The following FHIT variants were observed in gnomAD, a reference collection of about 807,000 sequenced individuals.
FHIT encodes bis(5'-adenosyl)-triphosphatase.
In FHIT, 19 loss-of-function variants were observed where a neutral mutation model predicts 17.9. That is an observed-to-expected ratio of 1.06 (90% confidence interval 0.74 to 1.56). The LOEUF (loss-of-function observed/expected upper bound fraction) is 1.56, where lower values mean the gene tolerates loss of function less well. Among genes scored for constraint, FHIT ranks in the 40% most tolerant of loss-of-function variants. The probability of loss-of-function intolerance (pLI) is 0.00; values close to 1 mark genes in which losing one functional copy is unlikely to be tolerated. For missense variants in FHIT, 248 were observed against 189.2 expected (o/e 1.31, Z -1.82); for synonymous variants, 81 against 69.7 (o/e 1.16, Z -0.81).
At chr3:60,256,353 T>G (rs1033993753) in intron 5 of FHIT, among the ~76,000 whole-genome samples, 1 of 152,136 alleles carries the variant, frequency 6.6e-6, no homozygotes, top group African/African-American at 2.4e-5. Context: ...CTCACTAAAT[T>G]TACCCATTTT....
chr3:61,247,153 T>C (rs1305954911), intron 1 of FHIT, among the ~76,000 whole-genome samples: 1 of 152,106 alleles, frequency 6.6e-6, no homozygotes, highest in African/African-American at 2.4e-5. Flanking sequence ...AGGAGCAAGA[T>C]AAATGTGCTG....
rs139139315 is a variant in FHIT at position 59,752,385 on chromosome 3, C to T, written c.349-64G>A. 1,482 of 1,332,614 alleles carry T rather than the reference C, an allele frequency of 1.1e-3. 9 individuals carry two copies. In the African/African-American group the frequency reaches 0.017, roughly 15 times the overall value. The allele number at this position is 1,332,614 out of a possible 1,614,324, so 82.5% of individuals were successfully genotyped here. ...CCTTGGGATCTCCTTGAACAAATTT[C>T]GGGGGGCTGGGGGAGACTGAACAAA... On this transcript the variant is annotated intron_variant, in intron 8 of 9. Transcript: ENST00000492590.
intron 8 of FHIT, among the ~76,000 whole-genome samples, chr3:59,754,315 A>AT (rs1189282371): frequency 6.6e-6 from 1 of 152,182 alleles, no homozygotes; most frequent in Non-Finnish European, 1.5e-5. Flanking sequence ...CAGCACGCTG[A>AT]TTTTACATTT....
intron 3 of FHIT, among the ~76,000 whole-genome samples, chr3:61,024,835 C>T (rs1255642571): frequency 6.6e-6 from 1 of 151,908 alleles, no homozygotes; most frequent in Non-Finnish European, 1.5e-5. Flanking sequence ...CCACTAGTTT[C>T]TCAGGAAACA....
intron 4 of FHIT, among the ~76,000 whole-genome samples, chr3:60,803,675 C>T (rs974176525): frequency 2.0e-5 from 3 of 152,232 alleles, no homozygotes; most frequent in Admixed American, 6.5e-5. Context: ...ACTTCAGTTC[C>T]CTTTAATCAT....
chr3:60,693,371 T>C (rs2041037875), intron 4 of FHIT, among the ~76,000 whole-genome samples: 1 of 152,162 alleles, frequency 6.6e-6, no homozygotes, highest in Non-Finnish European at 1.5e-5. Flanking sequence ...TAATTTCCCT[T>C]GGGGAAGGAG....
At chr3:60,582,799 T>A (rs2107682122) in intron 4 of FHIT, among the ~76,000 whole-genome samples, 1 of 152,232 alleles carries the variant, frequency 6.6e-6, no homozygotes, top group South Asian at 2.1e-4. Flanking sequence ...ATTATAGGTT[T>A]ACTGTGTGTC....
chr3:61,023,382 T>C (rs937806767), intron 3 of FHIT, among the ~76,000 whole-genome samples: 3 of 152,112 alleles, frequency 2.0e-5, no homozygotes, highest in Non-Finnish European at 4.4e-5. Flanking sequence ...TGCTCATGGA[T>C]AGGAAAAATC....
chr3:60,275,940 G>C (rs1242069200), intron 5 of FHIT, among the ~76,000 whole-genome samples: 2 of 151,806 alleles, frequency 1.3e-5, no homozygotes, highest in African/African-American at 2.4e-5. Context: ...TCTCCTTCAA[G>C]CTGACCAATA....
At chr3:60,896,630 G>A (rs1705836334) in intron 3 of FHIT, among the ~76,000 whole-genome samples, 1 of 152,194 alleles carries the variant, frequency 6.6e-6, no homozygotes, top group Admixed American at 6.5e-5. Flanking sequence ...TTTGATTGAA[G>A]GCCATGCCCA....
chr3:60,919,950 C>T (rs1707194234), intron 3 of FHIT, among the ~76,000 whole-genome samples: 1 of 151,744 alleles, frequency 6.6e-6, no homozygotes, highest in African/African-American at 2.4e-5. Context: ...AGGAGAGTCG[C>T]TTGAACCAGG....
Position 60,225,012 on chromosome 3 carries a change from C to T in FHIT, c.104-210860G>A, listed in dbSNP as rs758700597. 5.3e-5 allele frequency among the ~76,000 whole-genome samples: 8 copies of T among 152,246 alleles called. No individual in the cohort carries two copies. In the South Asian group the frequency reaches 8.3e-4, roughly 16 times the overall value. On this transcript the variant is annotated intron_variant, in intron 5 of 9. Coordinates refer to ENST00000492590, the MANE Select transcript of FHIT (RefSeq NM_002012.4). ...CTGGGATTACAGGAATGAGCCACCA[C>T]GCCCAGCCAGGATTTTCCGATTTTA...
intron 3 of FHIT, among the ~76,000 whole-genome samples, chr3:60,994,152 A>G (rs541597063): frequency 6.6e-6 from 1 of 152,340 alleles, no homozygotes; most frequent in South Asian, 2.1e-4. Flanking sequence ...TACTTCTTCC[A>G]TTGAACTTTT....
At chr3:60,539,377 CA>C (rs1193680310) in intron 4 of FHIT, among the ~76,000 whole-genome samples, 3 of 152,190 alleles carry the variant, frequency 2.0e-5, no homozygotes, top group Non-Finnish European at 4.4e-5. Context: ...TTGTGGAAGA[CA>C]GTGTGGTGAT....
chr3:60,914,924 C>G (rs1047006727), intron 3 of FHIT, among the ~76,000 whole-genome samples: 2 of 152,172 alleles, frequency 1.3e-5, no homozygotes, highest in African/African-American at 4.8e-5. Context: ...AAATTTCACT[C>G]TCCCTTAGAA....
At chr3:60,397,691 A>G (rs1363989616) in intron 5 of FHIT, among the ~76,000 whole-genome samples, 2 of 152,162 alleles carry the variant, frequency 1.3e-5, no homozygotes, top group Non-Finnish European at 1.5e-5. Flanking sequence ...GCAGGTCCCC[A>G]GTGCAACCCC....
Position 60,337,830 on chromosome 3 carries a change from C to G in FHIT, c.103+199030G>C, listed in dbSNP as rs575212098. On this transcript the variant is annotated intron_variant, in intron 5 of 9. Coordinates refer to ENST00000492590, the MANE Select transcript of FHIT (RefSeq NM_002012.4). ...AAAGACTCTTGGGGGACTGGAATGTCTGAAAATCCCATAAAGAAAACAGTT... is the reference window on the plus strand; with the variant it reads ...AAAGACTCTTGGGGGACTGGAATGTGTGAAAATCCCATAAAGAAAACAGTT... Among the ~76,000 whole-genome samples the G allele has an allele frequency of 2.2e-4, 34 of 152,236 alleles. No individual in the cohort carries two copies. In the East Asian group the frequency reaches 4.4e-3, roughly 20 times the overall value.
intron 8 of FHIT, among the ~76,000 whole-genome samples, chr3:59,816,963 C>T (rs543501895): frequency 2.1e-4 from 32 of 152,156 alleles, no homozygotes; most frequent in African/African-American, 7.0e-4. Flanking sequence ...TGATCTAGAC[C>T]AGTATAAACT....
At chr3:60,810,155 T>C (rs1701529975) in intron 4 of FHIT, among the ~76,000 whole-genome samples, 1 of 152,180 alleles carries the variant, frequency 6.6e-6, no homozygotes, top group South Asian at 2.1e-4. Context: ...CCTTAACAGT[T>C]ATGGCACAAG....
Sources: gnomAD v4.1 joint callset for allele counts (sites outside exome capture counted in the v4.1 genomes callset) on GRCh38, gnomAD v4.1.1 for gene constraint, MANE v1.5 for transcripts, NCBI Gene and HGNC (gene_info 2026-07-23, HGNC 2026-07-21) for gene names.